Variants in TNKS2 observed in about 807,000 individuals in gnomAD.
TNKS2 encodes tankyrase 2.
TNKS2 carries 72 observed loss-of-function variants against 137.6 expected under a neutral mutation model. That is an observed-to-expected ratio of 0.52 (90% CI 0.43 to 0.64). The LOEUF is 0.64. Ranked by LOEUF, TNKS2 falls within the 30% of genes least tolerant of loss-of-function variation. The pLI is 0.00. For synonymous variants in TNKS2, 516 were observed against 512.1 expected (o/e 1.01, Z -0.10); for missense variants, 1,049 against 1,410.2 (o/e 0.74, Z 4.10).
At chr10:91,824,833 G>A (rs577455531) in intron 7 of TNKS2, among the ~76,000 whole-genome samples, 70 of 152,208 alleles carry the variant, frequency 4.6e-4, no homozygotes, top group Admixed American at 8.5e-4. Flanking sequence ...GAAATAAGTC[G>A]CACAAGAAAA....
intron 16 of TNKS2, among the ~76,000 whole-genome samples, chr10:91,843,413 C>T (rs144189882): frequency 1.3e-5 from 2 of 152,294 alleles, no homozygotes; most frequent in East Asian, 3.9e-4. Flanking sequence ...AGAGCCCACC[C>T]TAATGGGCTC....
intron 12 of TNKS2, 23 bp downstream of exon 12, chr10:91,834,047 T>C: frequency 6.0e-6 from 9 of 1,497,588 alleles, no homozygotes; most frequent in Non-Finnish European, 8.0e-6. Flanking sequence ...TCAATGAAAT[T>C]GATTTTTTTA....
chr10:91,831,069 A>C (rs771678960), intron 10 of TNKS2, 34 bp from the exon 11 acceptor site: 2 of 1,612,802 alleles, frequency 1.2e-6, no homozygotes, highest in Non-Finnish European at 1.7e-6. Flanking sequence ...TTTGGAAAAT[A>C]TATTCACTGT....
At chr10:91,836,184 T>C (rs1842013902) in intron 12 of TNKS2, among the ~76,000 whole-genome samples, 1 of 152,022 alleles carries the variant, frequency 6.6e-6, no homozygotes, top group African/African-American at 2.4e-5. Context: ...ATTTTGTTCT[T>C]GTTTAATGCT....
At chr10:91,806,676 A>G (rs1175502866) in intron 1 of TNKS2, among the ~76,000 whole-genome samples, 1 of 152,216 alleles carries the variant, frequency 6.6e-6, no homozygotes, top group African/African-American at 2.4e-5. Flanking sequence ...ATACATAATT[A>G]GGTACACAGT....
rs976358535 is a variant in TNKS2 at position 91,864,074 on chromosome 10, A to G, written c.*1075A>G. On this transcript the variant is annotated 3_prime_UTR_variant, in exon 27 of 27. Transcript: ENST00000371627. Reference sequence around the variant, plus strand: ...TTTACTTGGTTTTATTGCTGTATTTATAGCCAATCTATACATCATGGGTAA... The same window carrying G: ...TTTACTTGGTTTTATTGCTGTATTTGTAGCCAATCTATACATCATGGGTAA... 4 of 152,132 alleles carry G rather than the reference A, an allele frequency of 2.6e-5. No individual in the cohort carries two copies. Among genetic ancestry groups the G allele is most frequent in the African/African-American group, 7.2e-5 (3 of 41,396 alleles). 9.4% of individuals were successfully genotyped at this position (152,132 alleles called of 1,614,324 possible).
At position 91,855,727 on chromosome 10, in the gene TNKS2, G is replaced by A. The variant is rs374972555; in HGVS notation, c.2988+39G>A. 154 of 1,477,398 alleles carry A rather than the reference G, an allele frequency of 1.0e-4. No homozygotes were observed. The African/African-American group carries it at 1.3e-3, about 13-fold the overall frequency. 91.5% of individuals were successfully genotyped at this position (1,477,398 alleles called of 1,614,324 possible). ...GAAAGTAAAGTTTTCTGAGACTGTC[G>A]TTTTCAAAGCCTGAAGCCATAAGTA... On this transcript the variant is annotated intron_variant, in intron 23 of 26. Coordinates refer to ENST00000371627, the MANE Select transcript of TNKS2 (RefSeq NM_025235.4).
chr10:91,862,192 A>G (rs1842870395), intron 26 of TNKS2, 37 bp downstream of exon 26: 5 of 1,489,878 alleles, frequency 3.4e-6, no homozygotes, highest in Admixed American at 2.1e-5. Context: ...CAAAAATGCT[A>G]GGGAGGCATA....
intron 2 of TNKS2, among the ~76,000 whole-genome samples, chr10:91,813,789 A>G (rs1045020524): frequency 6.6e-5 from 10 of 152,212 alleles, no homozygotes; most frequent in African/African-American, 2.2e-4. Context: ...AGGGTGGTCC[A>G]TAAGATGATA....
chr10:91,810,168 A>G (rs777507720), intron 1 of TNKS2, among the ~76,000 whole-genome samples: 2 of 152,028 alleles, frequency 1.3e-5, no homozygotes, highest in Non-Finnish European at 2.9e-5. Flanking sequence ...TTGAGGTCAG[A>G]AGTTCGAGAC....
intron 1 of TNKS2, among the ~76,000 whole-genome samples, chr10:91,812,504 T>C (rs184599605): frequency 4.3e-4 from 65 of 152,344 alleles, no homozygotes; most frequent in East Asian, 7.7e-4. Context: ...GATCTTTTTT[T>C]GTTGCTTCTT....
chr10:91,860,685 G>A (rs1267159559), intron 25 of TNKS2, among the ~76,000 whole-genome samples: 1 of 152,146 alleles, frequency 6.6e-6, no homozygotes, highest in Non-Finnish European at 1.5e-5. Flanking sequence ...GATTTCAAAG[G>A]GCTTCCGAGC....
chr10:91,825,012 G>T (rs1286901696), intron 7 of TNKS2, among the ~76,000 whole-genome samples: 1 of 152,070 alleles, frequency 6.6e-6, no homozygotes, highest in Non-Finnish European at 1.5e-5. Context: ...TATAATCATG[G>T]ATGCACTGTA....
intron 1 of TNKS2, chr10:91,807,584 T>G: frequency 1.3e-6 from 1 of 752,162 alleles, no homozygotes; most frequent in Non-Finnish European, 2.3e-6. Flanking sequence ...TTTCATATAC[T>G]GTGATACCTT....
intron 20 of TNKS2, 95 bp downstream of exon 20, chr10:91,849,689 T>C (rs1842486453): frequency 2.2e-6 from 2 of 900,234 alleles, no homozygotes; most frequent in Non-Finnish European, 3.3e-6. Flanking sequence ...ATGTAAGCTA[T>C]TGGGGGAGAA....
At chr10:91,811,411 C>T (rs961722315) in intron 1 of TNKS2, among the ~76,000 whole-genome samples, 5 of 151,928 alleles carry the variant, frequency 3.3e-5, no homozygotes, top group East Asian at 1.9e-4. Flanking sequence ...AAGTCTTTTC[C>T]GTTCTCTGCT....
chr10:91,845,006 T>C lies in TNKS2; in HGVS notation c.2147T>C (p.Leu716Ser). 1 of 1,612,454 alleles carries C rather than the reference T, an allele frequency of 6.2e-7. No individual in the cohort carries two copies. The highest frequency in any genetic ancestry group is 2.2e-5 in the East Asian group (1 of 44,828). ...NAQDKGGLIP[L>S]HNAASYGHVD... is the part of the protein sequence containing the mutation. Reference sequence around the variant, plus strand: ...CAAGACAAAGGAGGACTTATTCCTTTACATAATGCAGCATCTTACGGGGTA... The same window carrying C: ...CAAGACAAAGGAGGACTTATTCCTTCACATAATGCAGCATCTTACGGGGTA... The change falls in exon 17 of 27, where the codon TTA becomes TCA. Residue 716 changes from leucine (L) to serine (S), a missense_variant. Coordinates refer to ENST00000371627, the MANE Select transcript of TNKS2 (RefSeq NM_025235.4).
At chr10:91,842,730 C>A (rs188735451) in intron 16 of TNKS2, among the ~76,000 whole-genome samples, 2 of 152,024 alleles carry the variant, frequency 1.3e-5, no homozygotes, top group Non-Finnish European at 2.9e-5. Flanking sequence ...TTGATTGTGC[C>A]ACTGTACTCC....
intron 5 of TNKS2, 64 bp from the exon 6 acceptor site, chr10:91,819,875 C>A: frequency 1.5e-6 from 2 of 1,311,482 alleles, no homozygotes; most frequent in South Asian, 1.5e-5. Context: ...TGGGTTTTTT[C>A]CCTCTCACAC....
Sources: allele counts gnomAD v4.1 joint callset (sites outside exome capture counted in the v4.1 genomes callset), GRCh38; gene constraint gnomAD v4.1.1; transcripts MANE v1.5; gene names NCBI Gene and HGNC (gene_info 2026-07-23, HGNC 2026-07-21).